WWOX: variants seen among roughly 807,000 people sequenced by gnomAD.
WWOX encodes WW domain containing oxidoreductase, also known as WW domain-containing oxidoreductase.
Under a neutral mutation model 46.2 loss-of-function variants are expected in WWOX, and 69 were observed. The ratio of observed to expected loss-of-function variants is 1.49; its 90% CI spans 1.23 to 1.82. WWOX has a LOEUF of 1.82. Among genes scored for constraint, WWOX ranks in the 40% most tolerant of loss-of-function variants. The pLI is 0.00. For missense variants in WWOX, 919 were observed against 542.6 expected, an observed-to-expected ratio of 1.69 and a Z score of -6.89; for synonymous variants, 359 against 202.6, an observed-to-expected ratio of 1.77 and a Z score of -6.56.
At chr16:78,720,315 G>GAATTATTTTTCTTTCTTTTCACAAGAAAT (rs2048659830) in intron 8 of WWOX, among the ~76,000 whole-genome samples, 1 of 151,974 alleles carries the variant, frequency 6.6e-6, no homozygotes, top group African/African-American at 2.4e-5. Context: ...AGATCTTTCT[G>GAATTATTTTTCTTTCTTTTCACAAGAAAT]AATTATTTTT....
At chr16:78,649,234 C>A (rs1408387518) in intron 8 of WWOX, among the ~76,000 whole-genome samples, 1 of 152,202 alleles carries the variant, frequency 6.6e-6, no homozygotes, top group African/African-American at 2.4e-5. Flanking sequence ...ATCCAACCGC[C>A]TCGGACTTCC....
At chr16:78,909,855 C>G (rs1009962093) in intron 8 of WWOX, among the ~76,000 whole-genome samples, 1 of 152,286 alleles carries the variant, frequency 6.6e-6, no homozygotes, top group South Asian at 2.1e-4. Flanking sequence ...TACTGCTTGG[C>G]AAATGGCACA....
intron 8 of WWOX, among the ~76,000 whole-genome samples, chr16:78,893,821 G>T (rs1247379577): frequency 1.3e-5 from 2 of 152,026 alleles, no homozygotes; most frequent in Non-Finnish European, 2.9e-5. Flanking sequence ...CTTCACAGAG[G>T]TAAGAGGAAA....
At chr16:78,951,381 AG>A (rs2046056513) in intron 8 of WWOX, among the ~76,000 whole-genome samples, 2 of 152,144 alleles carry the variant, frequency 1.3e-5, no homozygotes, top group African/African-American at 4.8e-5. Flanking sequence ...ATTGGCCCTC[AG>A]TGGGTCACAT....
chr16:79,067,633 G>C, intron 8 of WWOX, among the ~76,000 whole-genome samples: 1 of 135,898 alleles, frequency 7.4e-6, no homozygotes, highest in Admixed American at 7.2e-5. Flanking sequence ...GGTGGGGTGG[G>C]GGGCGGGGGG....
chr16:79,114,894 C>G (rs754581671), intron 8 of WWOX, among the ~76,000 whole-genome samples: 1 of 152,188 alleles, frequency 6.6e-6, no homozygotes, highest in Non-Finnish European at 1.5e-5. Context: ...GTTTCCCAGC[C>G]CATTGGTGAT....
intron 8 of WWOX, among the ~76,000 whole-genome samples, chr16:78,806,288 A>C (rs2051035651): frequency 6.6e-6 from 1 of 152,186 alleles, no homozygotes. Flanking sequence ...AGGGAATTGA[A>C]GCATTTCCCT....
intron 8 of WWOX, among the ~76,000 whole-genome samples, chr16:78,555,000 G>T (rs946206551): frequency 2.0e-5 from 3 of 152,106 alleles, no homozygotes; most frequent in Admixed American, 6.5e-5. Context: ...AAACCAGCAG[G>T]GCCTGGCAGA....
chr16:79,086,937 C>G (rs1028974393), intron 8 of WWOX, among the ~76,000 whole-genome samples: 12 of 152,136 alleles, frequency 7.9e-5, no homozygotes, highest in African/African-American at 1.7e-4. Context: ...AGTCACATCT[C>G]TAGTACAGAC....
At chr16:78,326,307 C>G (rs554660962) in intron 5 of WWOX, among the ~76,000 whole-genome samples, 73 of 152,256 alleles carry the variant, frequency 4.8e-4, no homozygotes, top group African/African-American at 1.6e-3. Context: ...TTGCAGAAAC[C>G]TAAATTGCTA....
chr16:78,916,956 G>C (rs1439294611), intron 8 of WWOX, among the ~76,000 whole-genome samples: 1 of 152,152 alleles, frequency 6.6e-6, no homozygotes, highest in Non-Finnish European at 1.5e-5. Context: ...TAAGGACCTG[G>C]TTCCCCTCTT....
intron 5 of WWOX, among the ~76,000 whole-genome samples, chr16:78,312,959 G>A (rs977851236): frequency 8.5e-5 from 13 of 152,316 alleles, no homozygotes; most frequent in East Asian, 1.9e-4. Context: ...GCTGCCTGGT[G>A]TACAGGAGGG....
intron 1 of WWOX, 136 bp from the exon 2 acceptor site, chr16:78,108,287 C>G (rs548284909): frequency 8.3e-6 from 7 of 847,386 alleles, no homozygotes; most frequent in Non-Finnish European, 1.3e-5. Flanking sequence ...GCTGGGGTCA[C>G]AGTCCTCTTT....
intron 8 of WWOX, among the ~76,000 whole-genome samples, chr16:78,802,941 AAC>A (rs1352758400): frequency 7.3e-5 from 6 of 82,402 alleles, no homozygotes; most frequent in Admixed American, 1.1e-4. Context: ...AAAAAAAAAA[AAC>A]AACAAACAGA....
chr16:78,963,259 G>T (rs1039414919), intron 8 of WWOX, among the ~76,000 whole-genome samples: 1 of 152,072 alleles, frequency 6.6e-6, no homozygotes, highest in African/African-American at 2.4e-5. Flanking sequence ...CCTTGAGTCC[G>T]GGAGTTGAAG....
intron 4 of WWOX, among the ~76,000 whole-genome samples, chr16:78,141,910 TA>T (rs1224458654): frequency 4.6e-5 from 7 of 151,986 alleles, no homozygotes; most frequent in African/African-American, 1.7e-4. Flanking sequence ...ATCTAAGAGC[TA>T]GGGGCAAAAT....
At chr16:78,464,591 G>A (rs1025362667) in intron 8 of WWOX, among the ~76,000 whole-genome samples, 2 of 152,184 alleles carry the variant, frequency 1.3e-5, no homozygotes, top group African/African-American at 4.8e-5. Flanking sequence ...GTGCAGGTTA[G>A]AGGCTATGTC....
intron 4 of WWOX, among the ~76,000 whole-genome samples, chr16:78,133,478 C>G (rs900794933): frequency 6.6e-6 from 1 of 152,186 alleles, no homozygotes; most frequent in Non-Finnish European, 1.5e-5. Flanking sequence ...CCAGGCTGGT[C>G]TTGAACTCCT....
rs567630956 is a variant in WWOX, at chr16:78,671,713, A to C, written c.1056+238961A>C. On this transcript the variant is annotated intron_variant, in intron 8 of 8. Transcript: ENST00000566780. ...AGTGCCTGATTCAGAGTAAGTGACCAATAAATAGCTACCCTTACTATTTAG... is the reference window on the plus strand; with the variant it reads ...AGTGCCTGATTCAGAGTAAGTGACCCATAAATAGCTACCCTTACTATTTAG... Among the ~76,000 whole-genome samples, 6 of 152,366 alleles carry C rather than the reference A, an allele frequency of 3.9e-5. No individual in the cohort carries two copies. The South Asian group carries it at 1.2e-3, about 32-fold the overall frequency.
Sources: allele counts gnomAD v4.1 joint callset (sites outside exome capture counted in the v4.1 genomes callset), GRCh38; gene constraint gnomAD v4.1.1; transcripts MANE v1.5; gene names NCBI Gene and HGNC (gene_info 2026-07-23, HGNC 2026-07-21).